The following GRID2 variants were observed in gnomAD, a reference collection of about 807,000 sequenced individuals.
The protein encoded by GRID2 is glutamate receptor ionotropic, delta-2.
A neutral mutation model predicts 114.8 loss-of-function variants in GRID2; 33 were observed. The ratio of observed to expected loss-of-function variants is 0.29; its 90% CI spans 0.22 to 0.38. The LOEUF is 0.38. GRID2 is among the 10% of genes least tolerant of loss of function. The probability of loss-of-function intolerance (pLI) is 1.00; values close to 1 mark genes in which losing one functional copy is unlikely to be tolerated. For synonymous variants in GRID2, 505 were observed against 449.9 expected, an observed-to-expected ratio of 1.12 and a Z score of -1.55; for missense variants, 1,184 against 1,257.7, an observed-to-expected ratio of 0.94 and a Z score of 0.89.
intron 8 of GRID2, among the ~76,000 whole-genome samples, chr4:93,337,046 T>C (rs1759162733): frequency 6.6e-6 from 1 of 152,192 alleles, no homozygotes; most frequent in Non-Finnish European, 1.5e-5. Context: ...TTTATATTAC[T>C]AGTACTTTTC....
rs377464665 is a variant in GRID2, at chr4:93,403,317, C to G, written c.1347+7609C>G. On this transcript the variant is annotated intron_variant, in intron 9 of 15. Transcript: ENST00000282020. Reference sequence around the variant, plus strand: ...CAGGATAGCATTGTGGTTAAGAACACAGTTCCCACAGTTTCACTTCTGGGG... The same window carrying G: ...CAGGATAGCATTGTGGTTAAGAACAGAGTTCCCACAGTTTCACTTCTGGGG... Among the ~76,000 whole-genome samples the G allele has an allele frequency of 7.2e-5, 11 of 152,192 alleles. No individual in the cohort carries two copies. The East Asian group carries it at 1.9e-3, about 27-fold the overall frequency.
chr4:92,828,801 T>A (rs1437367353), intron 2 of GRID2, among the ~76,000 whole-genome samples: 1 of 152,126 alleles, frequency 6.6e-6, no homozygotes, highest in African/African-American at 2.4e-5. Context: ...CAGGTATAAG[T>A]AACTAAAAGA....
At chr4:92,688,023 T>C (rs1195869669) in intron 2 of GRID2, among the ~76,000 whole-genome samples, 2 of 147,694 alleles carry the variant, frequency 1.4e-5, no homozygotes, top group African/African-American at 5.0e-5. Context: ...CCACATTGGT[T>C]GACCCTTCTT....
intron 5 of GRID2, among the ~76,000 whole-genome samples, chr4:93,209,853 C>T (rs932571511): frequency 1.3e-5 from 2 of 151,856 alleles, no homozygotes; most frequent in South Asian, 4.1e-4. Context: ...TAATGATCAG[C>T]GATGTTGAGC....
At chr4:93,365,837 G>T (rs1762286430) in intron 8 of GRID2, among the ~76,000 whole-genome samples, 1 of 152,114 alleles carries the variant, frequency 6.6e-6, no homozygotes, top group Non-Finnish European at 1.5e-5. Context: ...AGAAGAACAT[G>T]GATTGTGAAG....
At chr4:92,946,414 T>A (rs980842836) in intron 2 of GRID2, among the ~76,000 whole-genome samples, 21 of 152,106 alleles carry the variant, frequency 1.4e-4, no homozygotes, top group African/African-American at 5.1e-4. Context: ...TTTTTTCCTG[T>A]CTTTTCCAGA....
At chr4:93,709,239 G>A (rs1728275204) in intron 14 of GRID2, among the ~76,000 whole-genome samples, 1 of 152,078 alleles carries the variant, frequency 6.6e-6, no homozygotes, top group African/African-American at 2.4e-5. Context: ...CTTTCAGATT[G>A]TAAAACACCC....
In GRID2 at chr4:93,788,029, G is replaced by A. The variant is rs184959348; in HGVS notation, c.221+18579G>A. Among the ~76,000 whole-genome samples the A allele has an allele frequency of 2.9e-3, 448 of 152,186 alleles. 2 individuals carry two copies. Among genetic ancestry groups the A allele is most frequent in the Non-Finnish European group, 4.6e-3 (316 of 67,998 alleles). ...CTAAGCAAGACATTGACAATGTAACGCCTAAGGCTGGGCGCGGTGGCTCAC... is the reference window on the plus strand; with the variant it reads ...CTAAGCAAGACATTGACAATGTAACACCTAAGGCTGGGCGCGGTGGCTCAC... On this transcript the variant is annotated intron_variant, in intron 1 of 1. Coordinates refer to the GRID2 transcript ENST00000637838.
intron 14 of GRID2, among the ~76,000 whole-genome samples, chr4:93,736,857 T>C (rs1189616165): frequency 2.7e-5 from 3 of 110,638 alleles, no homozygotes; most frequent in Admixed American, 1.0e-4. Context: ...CTTACAGACT[T>C]GCTCAAAAAA....
At chr4:92,763,575 G>C (rs1180883774) in intron 2 of GRID2, among the ~76,000 whole-genome samples, 8 of 152,164 alleles carry the variant, frequency 5.3e-5, no homozygotes, top group Non-Finnish European at 1.2e-4. Flanking sequence ...TATGTGCATA[G>C]GTTATATGCA....
At chr4:92,348,777 A>C (rs1727914553) in intron 1 of GRID2, among the ~76,000 whole-genome samples, 1 of 152,180 alleles carries the variant, frequency 6.6e-6, no homozygotes, top group Non-Finnish European at 1.5e-5. Context: ...GGCCCTAAGC[A>C]AGGTAAAGAT....
chr4:92,999,034 T>C (rs1336555790), intron 2 of GRID2, among the ~76,000 whole-genome samples: 1 of 151,904 alleles, frequency 6.6e-6, no homozygotes, highest in Non-Finnish European at 1.5e-5. Flanking sequence ...CTGGTCCTTA[T>C]TGTATTGGTG....
chr4:93,104,171 A>C (rs992354927), intron 3 of GRID2, among the ~76,000 whole-genome samples: 1 of 152,198 alleles, frequency 6.6e-6, no homozygotes, highest in Non-Finnish European at 1.5e-5. Flanking sequence ...ACTCCAAAAT[A>C]AAACTCAGTG....
intron 10 of GRID2, among the ~76,000 whole-genome samples, chr4:93,454,018 G>A (rs987952448): frequency 1.3e-5 from 2 of 152,048 alleles, no homozygotes; most frequent in South Asian, 2.1e-4. Flanking sequence ...TAAACATCCA[G>A]GTTAGATTTT....
At position 92,590,049 on chromosome 4, in the gene GRID2, C is replaced by T. The variant is rs1425576877; in HGVS notation, c.89-82C>T. On this transcript the variant is annotated intron_variant, in intron 1 of 15. Transcript: ENST00000282020. ...AGTGAAAGTATATGTTTTTTAAACA[C>T]ATAAGTCTCCTTGTCATATTTCCAG... 4.4e-6 allele frequency: 4 copies of T among 918,770 alleles called. 1 individual carries two copies. The highest frequency in any genetic ancestry group is 3.9e-5 in the Admixed American group (2 of 50,670). 56.9% of individuals were successfully genotyped at this position (918,770 alleles called of 1,614,324 possible).
At chr4:92,662,649 C>T (rs1732577868) in intron 2 of GRID2, among the ~76,000 whole-genome samples, 1 of 150,942 alleles carries the variant, frequency 6.6e-6, no homozygotes, top group Admixed American at 6.6e-5. Context: ...ATCGTTTTTG[C>T]TGCAGGCAGC....
intron 2 of GRID2, among the ~76,000 whole-genome samples, chr4:92,870,267 G>GAC (rs370794678): frequency 0.072 from 10,443 of 144,470 alleles, 669 homozygotes; most frequent in African/African-American, 0.18. Flanking sequence ...ACATTATACG[G>GAC]ACACACACAC....
chr4:93,008,307 G>T (rs187141890), intron 2 of GRID2, among the ~76,000 whole-genome samples: 1 of 152,002 alleles, frequency 6.6e-6, no homozygotes, highest in Non-Finnish European at 1.5e-5. Flanking sequence ...GAAATTCTGA[G>T]CAAGAAAACC....
At chr4:92,724,000 A>C (rs961365780) in intron 2 of GRID2, among the ~76,000 whole-genome samples, 2 of 152,164 alleles carry the variant, frequency 1.3e-5, no homozygotes, top group African/African-American at 4.8e-5. Flanking sequence ...ATATATTATT[A>C]ATTCCAAACT....
Sources: allele counts gnomAD v4.1 joint callset (sites outside exome capture counted in the v4.1 genomes callset), GRCh38; gene constraint gnomAD v4.1.1; transcripts MANE v1.5; gene names NCBI Gene and HGNC (gene_info 2026-07-23, HGNC 2026-07-21).